IL11RA: variants seen among roughly 807,000 people sequenced by gnomAD.
IL11RA encodes interleukin 11 receptor subunit alpha, also known as interleukin-11 receptor subunit alpha.
IL11RA carries 51 observed loss-of-function variants against 57.0 expected under a neutral mutation model. The ratio of observed to expected loss-of-function variants is 0.89; its 90% CI spans 0.71 to 1.13. The LOEUF is 1.13. IL11RA is among the 50% of genes most tolerant of loss of function. The probability of loss-of-function intolerance (pLI) is 0.00; values close to 1 mark genes in which losing one functional copy is unlikely to be tolerated. For missense variants in IL11RA, 498 were observed against 539.4 expected (o/e 0.92, Z 0.76); for synonymous variants, 199 against 217.5 (o/e 0.91, Z 0.75).
chr9:34,660,455 C>T, intron 10 of IL11RA, 49 bp from the exon 11 acceptor site: 1 of 1,613,990 alleles, frequency 6.2e-7, no homozygotes, highest in Non-Finnish European at 8.5e-7. Context: ...AAAGGGGACA[C>T]CGAGCTTGGT....
intron 7 of IL11RA, 57 bp downstream of exon 7, chr9:34,657,644 T>G: frequency 6.6e-7 from 1 of 1,519,422 alleles, no homozygotes; most frequent in Non-Finnish European, 9.0e-7. Context: ...CCAAATGGAC[T>G]CAGATCTCTC....
In IL11RA at chr9:34,659,744, C is replaced by T; in HGVS notation, c.811-15C>T. On this transcript the variant is annotated splice_polypyrimidine_tract_variant and intron_variant, in intron 8 of 12. Transcript: ENST00000441545. ...ACTTACAAGCTGGGTAACAGTGAGT[C>T]ATGTTTACCCCCAGGTGGAGCCAGC... 6.2e-7 allele frequency: 1 copy of T among 1,614,050 alleles called. No homozygotes were observed. The highest frequency in any genetic ancestry group is 8.5e-7 in the Non-Finnish European group (1 of 1,179,992).
rs561220737 is a variant in IL11RA, at chr9:34,661,349, C to T, written c.1253-133C>T. On this transcript the variant is annotated intron_variant, in intron 12 of 12. Transcript: ENST00000441545. ...GTATCTTCAGTGTGTTGAAGAGGCTCCCTCAGAGCTGGGCTCCTCTACTCA... is the reference window on the plus strand; with the variant it reads ...GTATCTTCAGTGTGTTGAAGAGGCTTCCTCAGAGCTGGGCTCCTCTACTCA... 6.4e-4 allele frequency: 604 copies of T among 949,702 alleles called. 1 individual carries two copies. Among genetic ancestry groups the T allele is most frequent in the Non-Finnish European group, 9.1e-4 (522 of 576,068 alleles). The allele number at this position is 949,702 out of a possible 1,614,324, so 58.8% of individuals were successfully genotyped here. A position where few individuals can be genotyped will look rare whatever the true frequency, so the allele number is the denominator to read the frequency against.
rs1216232731 is a variant in IL11RA, at chr9:34,657,422, A to G, written c.481A>G (p.Arg161Gly). 3 of 1,614,142 alleles carry G rather than the reference A, an allele frequency of 1.9e-6. No individual in the cohort carries two copies. Among genetic ancestry groups the G allele is most frequent in the East Asian group, 4.5e-5 (2 of 44,876 alleles). The change falls in exon 7 of 13, where the codon AGG (arginine) becomes GGG (glycine). Residue 161 changes from arginine (R) to glycine (G), a missense_variant and splice_region_variant. By Grantham distance (125) the Arg-to-Gly change is moderately radical. Transcript: ENST00000441545. ...KTVLGADSQRRSPSTGPWPCP... is the reference protein window; with the variant it reads ...KTVLGADSQRGSPSTGPWPCP... The stretch of plus-strand genomic sequence containing the variant: ...CAAAGACCACATCCTCCCTTCTAGG[A>G]GGAGTCCATCCACAGGGCCCTGGCC...
Position 34,660,492 on chromosome 9 carries a change from C to T in IL11RA, c.1073-12C>T. ...AGGCTTGCTCTCAGTGACATGTGGC[C>T]CTCCCCCTCAGATCACAGGGACTCT... On this transcript the variant is annotated splice_polypyrimidine_tract_variant and intron_variant, in intron 10 of 12. Transcript: ENST00000441545. 2.5e-6 allele frequency: 4 copies of T among 1,613,898 alleles called. No individual in the cohort carries two copies. The highest frequency in any genetic ancestry group is 3.4e-6 in the Non-Finnish European group (4 of 1,179,846).
rs41313780 is a variant in IL11RA, at chr9:34,660,205, C to T, written c.953-69C>T. On this transcript the variant is annotated intron_variant, in intron 9 of 12. Coordinates refer to ENST00000441545, the MANE Select transcript of IL11RA (RefSeq NM_001142784.3). ...CTTGACTTCCAACCTAGGCCTTGGC[C>T]TTGAGCACAGGACGTGACCCCCGTC... The T allele has an allele frequency of 0.035, 55,803 of 1,612,576 alleles. 1,362 individuals are homozygous for T. The highest frequency in any genetic ancestry group is 0.1 in the South Asian group (9,418 of 90,964).
At chr9:34,655,981 G>C (rs1390539057) in intron 3 of IL11RA, 2 of 410,922 alleles carry the variant, frequency 4.9e-6, no homozygotes, top group South Asian at 2.3e-5. Context: ...AGTAATACCT[G>C]CAGGGCAGAA....
At position 34,657,729 on chromosome 9, in the gene IL11RA, G is replaced by C. The variant is rs11575592; in HGVS notation, c.646+142G>C. On this transcript the variant is annotated intron_variant, in intron 7 of 12. Coordinates refer to ENST00000441545, the MANE Select transcript of IL11RA (RefSeq NM_001142784.3). Reference sequence around the variant, plus strand: ...GAGAAGGCCCTGTGGAGCCTGAGAAGGCAAAGGGATCAGAGCCCAGGAGGC... The same window carrying C: ...GAGAAGGCCCTGTGGAGCCTGAGAACGCAAAGGGATCAGAGCCCAGGAGGC... 5,682 of 825,782 alleles carry C rather than the reference G, an allele frequency of 6.9e-3. 224 individuals carry two copies. In the African/African-American group the frequency reaches 0.083, roughly 12 times the overall value. 51.2% of individuals were successfully genotyped at this position (825,782 alleles called of 1,614,324 possible).
In IL11RA at chr9:34,659,842, T is replaced by G. The variant is rs202184326; in HGVS notation, c.894T>G (p.Phe298Leu). Reference protein sequence around the residue: ...PHAVRVSARDFLDAGTWSTWS... With the variant: ...PHAVRVSARDLLDAGTWSTWS... ...CTGTACGAGTCAGTGCCCGGGACTT[T>G]CTAGATGCTGGCACCTGGAGCACCT... The change falls in exon 9 of 13, where the codon TTT becomes TTG. Residue 298 changes from phenylalanine (F) to leucine (L), a missense_variant. By Grantham distance (22) the Phe-to-Leu change is conservative. Coordinates refer to ENST00000441545, the MANE Select transcript of IL11RA (RefSeq NM_001142784.3). The G allele has an allele frequency of 8.7e-6, 14 of 1,614,166 alleles. No individual in the cohort carries two copies. The highest frequency in any genetic ancestry group is 1.2e-5 in the Non-Finnish European group (14 of 1,180,010).
Position 34,655,518 on chromosome 9 carries a change from T to A in IL11RA, c.101-87T>A, listed in dbSNP as rs573364861. On this transcript the variant is annotated intron_variant, in intron 2 of 12. Coordinates refer to ENST00000441545, the MANE Select transcript of IL11RA (RefSeq NM_001142784.3). ...TCCAGTGAGCCCCCCACCACCCAGG[T>A]TTTAACAGTCTGCTTCTTATCTGTC... 3.2e-6 allele frequency: 4 copies of A among 1,254,126 alleles called. No individual in the cohort carries two copies. The South Asian group carries it at 4.9e-5, about 15-fold the overall frequency. The allele number at this position is 1,254,126 out of a possible 1,614,324, so 77.7% of individuals were successfully genotyped here.
chr9:34,656,592 G>A (rs1821347274), intron 3 of IL11RA, 147 bp from the exon 4 acceptor site: 1 of 801,692 alleles, frequency 1.2e-6, no homozygotes, highest in Admixed American at 2.0e-5. Context: ...GGAAGGCAAG[G>A]GCTGGCTCAC....
In IL11RA at chr9:34,655,588, A is replaced by C. The variant is rs1320809474; in HGVS notation, c.101-17A>C. ...GGGGGTAAAGGAAGAGCCTTACCTC[A>C]GAAGTGCCCTCCACAGGGGTCCAGT... On this transcript the variant is annotated splice_polypyrimidine_tract_variant and intron_variant, in intron 2 of 12. Transcript: ENST00000441545. The C allele has an allele frequency of 3.1e-6, 5 of 1,613,272 alleles. No homozygotes were observed.
Position 34,657,133 on chromosome 9 carries a change from T to G in IL11RA, c.430T>G (p.Tyr144Asp), listed in dbSNP as rs745584639. The G allele has an allele frequency of 5.6e-6, 9 of 1,613,832 alleles. No homozygotes were observed. The highest frequency in any genetic ancestry group is 7.6e-6 in the Non-Finnish European group (9 of 1,179,814). ...PSQISGLPTRYLTSYRKKTVL... is the reference protein window; with the variant it reads ...PSQISGLPTRDLTSYRKKTVL... ...CCAGATCAGCGGTTTACCCACCCGCTACCTCACCTCCTACAGGTGTGTGTG... is the reference window on the plus strand; with the variant it reads ...CCAGATCAGCGGTTTACCCACCCGCGACCTCACCTCCTACAGGTGTGTGTG... Residue 144 changes from tyrosine to aspartate, a missense_variant, in exon 5 of 13, where the codon TAC becomes GAC. Transcript: ENST00000441545.
rs985537970 is a variant in IL11RA at position 34,658,290 on chromosome 9, C to A, written c.647-230C>A. ...CTCGTGGCATCAAGTGATCCTCCCG[C>A]CTCAGTCTTCCAGAGTGCTGAGATT... is the stretch of plus-strand genomic sequence containing the variant. On this transcript the variant is annotated intron_variant, in intron 7 of 12. Transcript: ENST00000441545. This position sits in a 1 kb window ranked among gnomAD's most constrained non-coding sequence, Gnocchi z 4.0. 2.0e-5 allele frequency among the ~76,000 whole-genome samples: 3 copies of A among 152,206 alleles called. No homozygotes were observed. The highest frequency in any genetic ancestry group is 2.9e-5 in the Non-Finnish European group (2 of 68,040).
chr9:34,652,979 C>G (rs1270376549), intron 1 of IL11RA, among the ~76,000 whole-genome samples: 6 of 152,140 alleles, frequency 3.9e-5, no homozygotes, highest in Non-Finnish European at 8.8e-5. Flanking sequence ...GCTTTGTTCC[C>G]CTGGTCTCTC....
intron 1 of IL11RA, chr9:34,654,915 C>A: frequency 2.7e-6 from 1 of 363,728 alleles, no homozygotes; most frequent in Non-Finnish European, 5.2e-6. Flanking sequence ...GAGTTGCTGG[C>A]ACAGTCTGTT....
chr9:34,655,512 C>G (rs1465056258), intron 2 of IL11RA, 93 bp from the exon 3 acceptor site: 1 of 1,167,566 alleles, frequency 8.6e-7, no homozygotes, highest in African/African-American at 1.5e-5. Flanking sequence ...CCCCCCACCA[C>G]CCAGGTTTTA....
Position 34,658,116 on chromosome 9 carries a change from C to G in IL11RA, c.647-404C>G. ...AGTTCAGTGGTGTGATCTTGGCTCA[C>G]TGAAGCCTGCAACTCCTGGGCTCAA... is the stretch of plus-strand genomic sequence containing the variant. On this transcript the variant is annotated intron_variant, in intron 7 of 12. Coordinates refer to ENST00000441545, the MANE Select transcript of IL11RA (RefSeq NM_001142784.3). This position sits in a 1 kb window ranked among gnomAD's most constrained non-coding sequence, Gnocchi z 4.0. Among the ~76,000 whole-genome samples, 1 of 152,174 alleles carries G rather than the reference C, an allele frequency of 6.6e-6. No individual in the cohort carries two copies. Among genetic ancestry groups the G allele is most frequent in the East Asian group, 1.9e-4 (1 of 5,196 alleles).
In IL11RA at chr9:34,656,767, G is replaced by A. The variant is rs996434656; in HGVS notation, c.190G>A (p.Glu64Lys). ...CCCAGTGTCCTGGTTTCGGGATGGGGAGCCAAAGCTGCTCCAGGGACCTGA... is the reference window on the plus strand; with the variant it reads ...CCCAGTGTCCTGGTTTCGGGATGGGAAGCCAAAGCTGCTCCAGGGACCTGA... ...GDPVSWFRDGEPKLLQGPDSG... is the reference protein window; with the variant it reads ...GDPVSWFRDGKPKLLQGPDSG... Residue 64 changes from glutamate to lysine, a missense_variant, in exon 4 of 13, where the codon GAG becomes AAG. Transcript: ENST00000441545. The A allele has an allele frequency of 5.0e-6, 8 of 1,614,084 alleles. No homozygotes were observed. The African/African-American group carries it at 1.1e-4, about 22-fold the overall frequency.
Sources: gnomAD v4.1 joint callset for allele counts (sites outside exome capture counted in the v4.1 genomes callset) on GRCh38, gnomAD v4.1.1 for gene constraint, Gnocchi (gnomAD v3.1) non-coding constraint, MANE v1.5 for transcripts, NCBI Gene and HGNC (gene_info 2026-07-23, HGNC 2026-07-21) for gene names.